The following DGKA variants were observed in gnomAD, a reference collection of about 807,000 sequenced individuals.
DGKA encodes 80 kDa diacylglycerol kinase.
In DGKA, 35 loss-of-function variants were observed where a neutral mutation model predicts 105.0. The observed-to-expected ratio is 0.33, with a 90% CI of 0.25 to 0.44. The LOEUF (loss-of-function observed/expected upper bound fraction) is 0.44, where lower values mean the gene tolerates loss of function less well. Ranked by LOEUF, DGKA falls within the 20% of genes least tolerant of loss-of-function variation. The probability of loss-of-function intolerance (pLI) is 1.00; values close to 1 mark genes in which losing one functional copy is unlikely to be tolerated. For synonymous variants in DGKA, 296 were observed against 332.0 expected (o/e 0.89, Z 1.18); for missense variants, 665 against 915.0 (o/e 0.73, Z 3.53).
In DGKA at chr12:55,938,027, T is replaced by C; in HGVS notation, c.324T>C (p.Gly108=). The C allele has an allele frequency of 6.2e-7, 1 of 1,613,942 alleles. No homozygotes were observed. Among genetic ancestry groups the C allele is most frequent in the Non-Finnish European group, 8.5e-7 (1 of 1,179,982 alleles). The change falls in exon 5 of 24, where the codon GGT becomes GGC. Residue 108 remains glycine (G), a synonymous_variant. Transcript: ENST00000331886. Reference sequence around the variant, plus strand: ...CCTGCTACTTTTCCCTTCTGGAGGGTGGTCGGCCAGAAGACAAGTTAGAAT... The same window carrying C: ...CCTGCTACTTTTCCCTTCTGGAGGGCGGTCGGCCAGAAGACAAGTTAGAAT... The part of the protein sequence containing the change: ...DVSCYFSLLE[G]GRPEDKLEFT...
chr12:55,936,145 G>T, intron 1 of DGKA: 1 of 630,700 alleles, frequency 1.6e-6, no homozygotes, highest in Non-Finnish European at 2.1e-6. Context: ...GGTGAGGGTG[G>T]TCAGATGAAT....
Position 55,941,282 on chromosome 12 carries a change from C to T in DGKA, c.1132C>T (p.Leu378Phe), listed in dbSNP as rs1885924598. 1 of 1,613,682 alleles carries T rather than the reference C, an allele frequency of 6.2e-7. No individual in the cohort carries two copies. The highest frequency in any genetic ancestry group is 1.7e-5 in the Admixed American group (1 of 59,978). Residue 378 changes from leucine (L) to phenylalanine (F), a missense_variant, in exon 14 of 24, where the codon CTC becomes TTC. Around this residue, in one of 3 missense-constraint regions of DGKA, gnomAD observed 504 missense variants for 681.2 expected, o/e 0.74. Coordinates refer to ENST00000331886, the MANE Select transcript of DGKA (RefSeq NM_001345.5). ...CCCTGTTCCTAACACCCACCCACTT[C>T]TCGTCTTTGTCAATCCTAAGAGTGG... The part of the protein sequence containing the change: ...IDPVPNTHPL[L>F]VFVNPKSGGK...
chr12:55,936,641 C>G (rs902298009), intron 2 of DGKA, 74 bp downstream of exon 2: 2 of 1,597,798 alleles, frequency 1.3e-6, no homozygotes, highest in African/African-American at 2.7e-5. Flanking sequence ...CATTACACCC[C>G]CTGCCCCCCA....
At chr12:55,945,153 A>C (rs891148985) in intron 17 of DGKA, among the ~76,000 whole-genome samples, 1 of 152,230 alleles carries the variant, frequency 6.6e-6, no homozygotes, top group Non-Finnish European at 1.5e-5. Flanking sequence ...AGTTTAAGGA[A>C]GAAAAATTCA....
upstream of DGKA, among the ~76,000 whole-genome samples, chr12:55,930,189 C>G (rs763016390): frequency 1.3e-4 from 19 of 151,956 alleles, no homozygotes; most frequent in Non-Finnish European, 2.2e-4. Flanking sequence ...CTAAACTGGA[C>G]TATGTTTTTG....
chr12:55,946,649 A>T (rs544088632), intron 17 of DGKA, among the ~76,000 whole-genome samples: 43 of 152,114 alleles, frequency 2.8e-4, no homozygotes, highest in Non-Finnish European at 5.4e-4. Context: ...GAGCCACCTC[A>T]CCCAGCAATA....
intron 5 of DGKA, 114 bp from the exon 6 acceptor site, chr12:55,938,397 T>A (rs1411935033): frequency 1.5e-6 from 2 of 1,369,324 alleles, no homozygotes; most frequent in African/African-American, 2.9e-5. Context: ...TCCCAGGCTC[T>A]AGGCTTCTCA....
At chr12:55,936,937 CT>C in intron 2 of DGKA, 79 bp from the exon 3 acceptor site, 2 of 1,278,116 alleles carry the variant, frequency 1.6e-6, no homozygotes, top group Non-Finnish European at 2.3e-6. Flanking sequence ...TCATTTGAAT[CT>C]TTTTTCCTGC....
At chr12:55,953,454 C>T (rs768922730) in intron 23 of DGKA, 44 bp downstream of exon 23, 1 of 1,591,970 alleles carries the variant, frequency 6.3e-7, no homozygotes, top group African/African-American at 1.3e-5. Flanking sequence ...CCTTGGGCTC[C>T]ATGGATCCTA....
rs769183954 is a variant in DGKA at position 55,940,402 on chromosome 12, C to T, written c.887C>T (p.Thr296Ile). The part of the protein sequence containing the change: ...QKKIRIYHSL[T>I]GLHCVWCHLE... ...AAGATCCGGATCTACCACAGTCTGA[C>T]CGGGCTGCATTGTGTATGGTGCCAC... The change falls in exon 11 of 24, where the codon ACC becomes ATC. Residue 296 changes from threonine to isoleucine, a missense_variant. Coordinates refer to ENST00000331886, the MANE Select transcript of DGKA (RefSeq NM_001345.5). The surrounding 1 kb of genome is among the most constrained non-coding windows in gnomAD (Gnocchi z 4.3). 3.1e-6 allele frequency: 5 copies of T among 1,614,118 alleles called. No individual in the cohort carries two copies. Among genetic ancestry groups the T allele is most frequent in the Non-Finnish European group, 1.7e-6 (2 of 1,180,046 alleles).
intron 17 of DGKA, among the ~76,000 whole-genome samples, chr12:55,945,092 GC>G (rs1251452071): frequency 6.6e-6 from 1 of 152,190 alleles, no homozygotes; most frequent in African/African-American, 2.4e-5. Flanking sequence ...GAGCCACCGT[GC>G]CCAACCTTGG....
chr12:55,953,499 A>T, intron 23 of DGKA, 89 bp downstream of exon 23: 1 of 1,419,444 alleles, frequency 7.0e-7, no homozygotes, highest in Non-Finnish European at 9.9e-7. Context: ...CACCCTTCTG[A>T]TGCCTGAACT....
chr12:55,937,917 G>A (rs1565736164), intron 4 of DGKA, 61 bp from the exon 5 acceptor site: 2 of 1,449,638 alleles, frequency 1.4e-6, no homozygotes, highest in East Asian at 2.3e-5. Flanking sequence ...GACAAACAAA[G>A]GATAAAACAT....
chr12:55,953,783 G>T lies in DGKA; in HGVS notation c.*15G>T, dbSNP rs1224156428. 1 of 1,613,240 alleles carries T rather than the reference G, an allele frequency of 6.2e-7. No homozygotes were observed. The highest frequency in any genetic ancestry group is 8.5e-7 in the Non-Finnish European group (1 of 1,179,214). On this transcript the variant is annotated 3_prime_UTR_variant, in exon 24 of 24. Transcript: ENST00000331886. ...TCTTGAGCTAAGGGGGACACCCTTGGCCTCCAAGCCAGCCTTGAACCCACC... is the reference window on the plus strand; with the variant it reads ...TCTTGAGCTAAGGGGGACACCCTTGTCCTCCAAGCCAGCCTTGAACCCACC...
upstream of DGKA, chr12:55,928,329 C>G (rs1471230950): frequency 6.6e-6 from 1 of 152,360 alleles, no homozygotes; most frequent in Non-Finnish European, 1.5e-5. Flanking sequence ...AGGGAGGAGG[C>G]AGGAGGTAAG....
chr12:55,934,323 C>A (rs889702745), intron 1 of DGKA, among the ~76,000 whole-genome samples: 1 of 152,048 alleles, frequency 6.6e-6, no homozygotes, highest in Non-Finnish European at 1.5e-5. Context: ...CTATAGAGGC[C>A]CCATTAGCCA....
At chr12:55,938,685 G>A (rs763496527) in intron 6 of DGKA, 125 bp downstream of exon 6, 154 of 1,592,614 alleles carry the variant, frequency 9.7e-5, no homozygotes, top group Middle Eastern at 1.7e-4. Context: ...AGTCCTCTAG[G>A]ACTAAATTTG....
intron 14 of DGKA, 60 bp downstream of exon 14, chr12:55,941,385 GAA>G: frequency 6.3e-7 from 1 of 1,592,858 alleles, no homozygotes; most frequent in Non-Finnish European, 8.6e-7. Context: ...GCAACACTTA[GAA>G]GGTGGAAGGG....
chr12:55,953,530 C>T, intron 23 of DGKA, 120 bp downstream of exon 23: 1 of 1,356,232 alleles, frequency 7.4e-7, no homozygotes, highest in Non-Finnish European at 1.0e-6. Context: ...ATCATTCATC[C>T]TAAACCCTGA....
Sources: gnomAD v4.1 joint callset for allele counts (sites outside exome capture counted in the v4.1 genomes callset) on GRCh38, gnomAD v4.1.1 for gene constraint, gnomAD v4.1.1 regional missense constraint, Gnocchi (gnomAD v3.1) non-coding constraint, MANE v1.5 for transcripts, NCBI Gene and HGNC (gene_info 2026-07-23, HGNC 2026-07-21) for gene names.